IL10RB: variants seen among roughly 807,000 people sequenced by gnomAD.
IL10RB encodes the protein interleukin-10 receptor subunit beta.
IL10RB carries 30 observed loss-of-function variants against 38.7 expected under a neutral mutation model. That is an observed-to-expected ratio of 0.78 (90% CI 0.58 to 1.05). The LOEUF (loss-of-function observed/expected upper bound fraction) is 1.05. Among genes scored for constraint, IL10RB ranks in the 50% least tolerant of loss-of-function variants. IL10RB has a pLI of 0.00. For synonymous variants in IL10RB, 142 were observed against 145.9 expected, an observed-to-expected ratio of 0.97 and a Z score of 0.19; for missense variants, 328 against 397.1, an observed-to-expected ratio of 0.83 and a Z score of 1.48.
intron 5 of IL10RB, among the ~76,000 whole-genome samples, chr21:33,286,971 G>T (rs1033898061): frequency 7.9e-5 from 12 of 152,156 alleles, no homozygotes. Flanking sequence ...GGTCAGTGCC[G>T]TGAGGCCCTC....
At chr21:33,290,820 G>A (rs1989471617) in intron 6 of IL10RB, among the ~76,000 whole-genome samples, 1 of 152,244 alleles carries the variant, frequency 6.6e-6, no homozygotes, top group African/African-American at 2.4e-5. Context: ...CCATTGGTCT[G>A]GCACCATGTG....
intron 1 of IL10RB, 91 bp from the exon 2 acceptor site, chr21:33,268,303 A>G (rs1401443024): frequency 1.9e-6 from 3 of 1,595,550 alleles, no homozygotes; most frequent in Non-Finnish European, 2.6e-6. Flanking sequence ...ACATGGAGCC[A>G]TAGAGGAGAA....
chr21:33,281,265 G>C (rs964379594), intron 4 of IL10RB, among the ~76,000 whole-genome samples: 1 of 152,208 alleles, frequency 6.6e-6, no homozygotes, highest in Non-Finnish European at 1.5e-5. Flanking sequence ...ATCAAATGCA[G>C]GCATCTCTGC....
chr21:33,296,670 C>T lies in IL10RB; in HGVS notation c.*313C>T, dbSNP rs968371077. The T allele has an allele frequency of 6.0e-5, 28 of 465,500 alleles. No homozygotes were observed. Among genetic ancestry groups the T allele is most frequent in the African/African-American group, 3.0e-4 (15 of 50,706 alleles). The allele number at this position is 465,500 out of a possible 1,614,324, so 28.8% of individuals were successfully genotyped here. On this transcript the variant is annotated 3_prime_UTR_variant, in exon 7 of 7. Coordinates refer to ENST00000290200, the MANE Select transcript of IL10RB (RefSeq NM_000628.5). ...ATGTTTTAATTGTGAGAAACAGGGC[C>T]GAGCACAGTGGCTCACGCCTGTAAT...
chr21:33,281,480 G>C (rs748267576), intron 4 of IL10RB, among the ~76,000 whole-genome samples: 2 of 152,052 alleles, frequency 1.3e-5, no homozygotes, highest in African/African-American at 4.8e-5. Context: ...CTCTCTCTTC[G>C]GCCAGTTGTG....
intron 6 of IL10RB, among the ~76,000 whole-genome samples, chr21:33,293,539 G>C (rs1292281310): frequency 6.6e-6 from 1 of 152,214 alleles, no homozygotes; most frequent in African/African-American, 2.4e-5. Context: ...GAGAGTGCCA[G>C]GCCGAGCATG....
chr21:33,266,401 G>T lies in IL10RB; in HGVS notation c.-65G>T, dbSNP rs916859697. On this transcript the variant is annotated 5_prime_UTR_variant, in exon 1 of 7. Coordinates refer to ENST00000290200, the MANE Select transcript of IL10RB (RefSeq NM_000628.5). Reference sequence around the variant, plus strand: ...GGTTCCCGGAAGCCGCCGCGGACAAGCTCTCCCGGGCGCGGGCGGGGGTCG... The same window carrying T: ...GGTTCCCGGAAGCCGCCGCGGACAATCTCTCCCGGGCGCGGGCGGGGGTCG... 14 of 1,514,906 alleles carry T rather than the reference G, an allele frequency of 9.2e-6. No homozygotes were observed. In the African/African-American group the frequency reaches 1.1e-4, roughly 12 times the overall value. 93.8% of individuals were successfully genotyped at this position (1,514,906 alleles called of 1,614,324 possible). A position where few individuals can be genotyped will look rare whatever the true frequency, so the allele number is the denominator to read the frequency against.
chr21:33,288,299 T>C (rs1472029163), intron 6 of IL10RB, 38 bp downstream of exon 6: 2 of 1,597,356 alleles, frequency 1.3e-6, no homozygotes, highest in African/African-American at 1.3e-5. Flanking sequence ...TTGAAAACCT[T>C]GATCGGAAAG....
chr21:33,286,213 A>G (rs1601834597), intron 5 of IL10RB, among the ~76,000 whole-genome samples: 1 of 152,220 alleles, frequency 6.6e-6, no homozygotes, highest in Non-Finnish European at 1.5e-5. Context: ...GACAAGCACC[A>G]TGTCGTGCCA....
At chr21:33,275,305 G>C (rs902544535) in intron 2 of IL10RB, among the ~76,000 whole-genome samples, 1 of 152,060 alleles carries the variant, frequency 6.6e-6, no homozygotes, top group Non-Finnish European at 1.5e-5. Context: ...ACAGGTGCAT[G>C]CCACCATGCC....
Position 33,276,733 on chromosome 21 carries a change from CCTT to C in IL10RB, c.314_316del (p.Phe105del). On this transcript the variant is annotated inframe_deletion, in exon 3 of 7. Coordinates refer to ENST00000290200, the MANE Select transcript of IL10RB (RefSeq NM_000628.5). ...GAGCATTCAGACTGGGTAAACATCACCTTCTGTCCTGTGGATGACAGTAAGCCA... is the reference window on the plus strand; with the variant it reads ...GAGCATTCAGACTGGGTAAACATCACCTGTCCTGTGGATGACAGTAAGCCA... 1 of 1,613,978 alleles carries C rather than the reference CCTT, an allele frequency of 6.2e-7. No individual in the cohort carries two copies. The highest frequency in any genetic ancestry group is 8.5e-7 in the Non-Finnish European group (1 of 1,179,870).
chr21:33,267,728 C>T (rs1988995076), intron 1 of IL10RB, among the ~76,000 whole-genome samples: 1 of 152,014 alleles, frequency 6.6e-6, no homozygotes, highest in African/African-American at 2.4e-5. Flanking sequence ...GTTGGCCAGG[C>T]TGGTCTCGAA....
At chr21:33,268,035 A>C in intron 1 of IL10RB, 1 of 375,120 alleles carries the variant, frequency 2.7e-6, no homozygotes, top group Non-Finnish European at 5.0e-6. Flanking sequence ...CAAAATGGAC[A>C]TTGACCTCAG....
At chr21:33,308,709 C>T (rs2083004671) in intron 1 of IL10RB, 2 of 152,314 alleles carry the variant, frequency 1.3e-5, no homozygotes, top group African/African-American at 4.8e-5. Flanking sequence ...TTCTTTAAAG[C>T]AATGGCTCTC....
intron 6 of IL10RB, among the ~76,000 whole-genome samples, chr21:33,294,442 G>A (rs1457608980): frequency 6.6e-6 from 1 of 151,882 alleles, no homozygotes; most frequent in Non-Finnish European, 1.5e-5. Context: ...CTGCTTCCTT[G>A]AGATTTAATA....
At chr21:33,300,922 G>C (rs1375914701), downstream of IL10RB, among the ~76,000 whole-genome samples, 3 of 152,182 alleles carry the variant, frequency 2.0e-5, no homozygotes, top group South Asian at 6.2e-4. Flanking sequence ...CCCAGCTTGC[G>C]ATCATTTGTT....
intron 2 of IL10RB, among the ~76,000 whole-genome samples, chr21:33,270,426 G>T (rs1406849166): frequency 6.6e-6 from 1 of 151,466 alleles, no homozygotes; most frequent in Non-Finnish European, 1.5e-5. Flanking sequence ...TGTTGCCCAG[G>T]CTGGAGTGCA....
chr21:33,277,520 C>T (rs185072482), intron 3 of IL10RB, among the ~76,000 whole-genome samples: 10 of 151,934 alleles, frequency 6.6e-5, no homozygotes, highest in African/African-American at 1.9e-4. Flanking sequence ...AATTCACATA[C>T]AGCCCTTCAA....
At chr21:33,276,459 GT>G (rs1242828436) in intron 2 of IL10RB, 136 bp from the exon 3 acceptor site, 11 of 718,160 alleles carry the variant, frequency 1.5e-5, no homozygotes, top group Non-Finnish European at 2.3e-5. Context: ...GAGAAGTTCT[GT>G]TTTGAAGACA....
Sources: gnomAD v4.1 joint callset for allele counts (sites outside exome capture counted in the v4.1 genomes callset) on GRCh38, gnomAD v4.1.1 for gene constraint, MANE v1.5 for transcripts, NCBI Gene and HGNC (gene_info 2026-07-23, HGNC 2026-07-21) for gene names.